AUTS2: variants seen among roughly 807,000 people sequenced by gnomAD.
The protein encoded by AUTS2 is activator of transcription and developmental regulator AUTS2, also known as autism susceptibility gene 2 protein.
In AUTS2, 17 loss-of-function variants were observed where a neutral mutation model predicts 112.4. That is an observed-to-expected ratio of 0.15 (90% CI 0.10 to 0.23). AUTS2 has a LOEUF of 0.23. AUTS2 is among the 10% of genes least tolerant of loss of function. The pLI is 1.00. For synonymous variants in AUTS2, 751 were observed against 702.7 expected (o/e 1.07, Z -1.09); for missense variants, 1,510 against 1,701.6 (o/e 0.89, Z 1.98).
chr7:70,264,091 C>T (rs187648978), intron 4 of AUTS2, among the ~76,000 whole-genome samples: 21 of 152,270 alleles, frequency 1.4e-4, no homozygotes, highest in Admixed American at 5.9e-4. Context: ...CTTCTCAATT[C>T]TATTATGTTG....
chr7:70,021,990 G>A (rs1024021206), intron 2 of AUTS2, among the ~76,000 whole-genome samples: 2 of 151,818 alleles, frequency 1.3e-5, no homozygotes, highest in Non-Finnish European at 2.9e-5. Context: ...GAGGCAAAGA[G>A]CATGGACTTT....
At chr7:69,969,760 G>A (rs1797773825) in intron 2 of AUTS2, among the ~76,000 whole-genome samples, 1 of 152,108 alleles carries the variant, frequency 6.6e-6, no homozygotes, top group Non-Finnish European at 1.5e-5. Context: ...GACAAAAAAA[G>A]AAATTCCTCT....
chr7:69,672,396 A>C (rs1796377566), intron 1 of AUTS2, among the ~76,000 whole-genome samples: 1 of 152,182 alleles, frequency 6.6e-6, no homozygotes, highest in African/African-American at 2.4e-5. Context: ...TCAATGGAGA[A>C]GATGTGTCCA....
chr7:70,163,349 G>C lies in AUTS2; in HGVS notation c.660+28778G>C, dbSNP rs1266018094. Among the ~76,000 whole-genome samples, 22 of 105,920 alleles carry C rather than the reference G, an allele frequency of 2.1e-4. 1 individual carries two copies. The East Asian group carries it at 3.9e-3, about 19-fold the overall frequency. 69.5% of individuals were successfully genotyped at this position (105,920 alleles called of 152,430 possible). A position where few individuals can be genotyped will look rare whatever the true frequency, so the allele number is the denominator to read the frequency against. ...TGAGTGTTAGGTTGTGGTGGTGGGGGGGGGGGGGGCAGAGGGGGAGGGAGA... is the reference window on the plus strand; with the variant it reads ...TGAGTGTTAGGTTGTGGTGGTGGGGCGGGGGGGGGCAGAGGGGGAGGGAGA... On this transcript the variant is annotated intron_variant, in intron 4 of 18. Coordinates refer to ENST00000342771, the MANE Select transcript of AUTS2 (RefSeq NM_015570.4).
At chr7:70,309,852 C>T (rs190301615) in intron 4 of AUTS2, among the ~76,000 whole-genome samples, 3 of 152,328 alleles carry the variant, frequency 2.0e-5, no homozygotes, top group Non-Finnish European at 1.5e-5. Context: ...CTCATCTTTG[C>T]AGCATGTTGC....
intron 6 of AUTS2, among the ~76,000 whole-genome samples, chr7:70,703,978 A>T (rs1192807609): frequency 6.6e-6 from 1 of 152,204 alleles, no homozygotes; most frequent in African/African-American, 2.4e-5. Flanking sequence ...AATAGCATGC[A>T]ATCAGCTCCT....
chr7:70,759,345 T>C (rs911581336), intron 6 of AUTS2, among the ~76,000 whole-genome samples: 1 of 152,160 alleles, frequency 6.6e-6, no homozygotes, highest in Non-Finnish European at 1.5e-5. Flanking sequence ...AGTGTTAGAT[T>C]AGATCCTGCT....
At chr7:69,631,939 T>C (rs191643922) in intron 1 of AUTS2, among the ~76,000 whole-genome samples, 15 of 152,352 alleles carry the variant, frequency 9.8e-5, no homozygotes, top group Admixed American at 2.0e-4. Context: ...TCCTCTTCTC[T>C]CTAAGTTGTA....
Position 70,269,835 on chromosome 7 carries a change from T to C in AUTS2, c.660+135264T>C, listed in dbSNP as rs557395028. The stretch of plus-strand genomic sequence containing the variant: ...TTAATGTTTGAGCCCTACTATTTGC[T>C]ATTGCTTCCTTTTTTACTCCTATAA... On this transcript the variant is annotated intron_variant, in intron 4 of 18. Transcript: ENST00000342771. Among the ~76,000 whole-genome samples, 96 of 152,322 alleles carry C rather than the reference T, an allele frequency of 6.3e-4. 1 individual carries two copies. Among genetic ancestry groups the C allele is most frequent in the African/African-American group, 2.2e-3 (91 of 41,576 alleles).
At chr7:70,193,572 C>T (rs1412619508) in intron 4 of AUTS2, among the ~76,000 whole-genome samples, 1 of 152,162 alleles carries the variant, frequency 6.6e-6, no homozygotes, top group African/African-American at 2.4e-5. Flanking sequence ...TTTAAGGACA[C>T]CTCGTCTGAT....
chr7:69,948,226 G>GC (rs1796892132), intron 2 of AUTS2, among the ~76,000 whole-genome samples: 1 of 152,166 alleles, frequency 6.6e-6, no homozygotes, highest in Non-Finnish European at 1.5e-5. Context: ...GGCCACTCAA[G>GC]CAGGCCTCCA....
At chr7:70,554,720 G>A (rs1210007320) in intron 5 of AUTS2, among the ~76,000 whole-genome samples, 1 of 152,190 alleles carries the variant, frequency 6.6e-6, no homozygotes, top group Non-Finnish European at 1.5e-5. Flanking sequence ...GCCCTGTGCA[G>A]CCAGGCCAGG....
chr7:70,541,741 C>G (rs988920540), intron 5 of AUTS2, among the ~76,000 whole-genome samples: 1 of 152,132 alleles, frequency 6.6e-6, no homozygotes, highest in Non-Finnish European at 1.5e-5. Context: ...AGGGTGACAG[C>G]ACAAAAGAGG....
At chr7:70,365,042 G>A (rs1792503192) in intron 4 of AUTS2, among the ~76,000 whole-genome samples, 1 of 152,118 alleles carries the variant, frequency 6.6e-6, no homozygotes, top group Non-Finnish European at 1.5e-5. Flanking sequence ...AAGGTACTGG[G>A]AAAGCCTATT....
At position 69,701,346 on chromosome 7, in the gene AUTS2, C is replaced by G. The variant is rs539430687; in HGVS notation, c.309+101384C>G. 3.3e-5 allele frequency among the ~76,000 whole-genome samples: 5 copies of G among 152,236 alleles called. No homozygotes were observed. In the South Asian group the frequency reaches 6.2e-4, roughly 19 times the overall value. ...CCTTTCTTCTTCCTCTATTCTTTAC[C>G]TTGTGAGGCACTTAACCTACTAACT... On this transcript the variant is annotated intron_variant, in intron 1 of 18. Coordinates refer to ENST00000342771, the MANE Select transcript of AUTS2 (RefSeq NM_015570.4).
intron 5 of AUTS2, among the ~76,000 whole-genome samples, chr7:70,616,753 G>GTT (rs67691820): frequency 0.029 from 3,860 of 131,218 alleles, 142 homozygotes; most frequent in African/African-American, 0.073. Context: ...GTGTCGAATA[G>GTT]TTTTTTTTTT....
intron 4 of AUTS2, among the ~76,000 whole-genome samples, chr7:70,166,764 A>G (rs1379109610): frequency 6.6e-6 from 1 of 152,222 alleles, no homozygotes; most frequent in Non-Finnish European, 1.5e-5. Context: ...ATACCATATC[A>G]TCCTTAGCAA....
intron 6 of AUTS2, among the ~76,000 whole-genome samples, chr7:70,757,237 A>G (rs892399206): frequency 2.6e-5 from 4 of 152,184 alleles, no homozygotes; most frequent in African/African-American, 9.7e-5. Context: ...TTTTGTTATT[A>G]TGAAGTGGAT....
intron 1 of AUTS2, among the ~76,000 whole-genome samples, chr7:69,682,021 G>A (rs1052844887): frequency 2.0e-5 from 3 of 152,108 alleles, no homozygotes; most frequent in East Asian, 1.9e-4. Flanking sequence ...ATAATAATAC[G>A]TTTGTGAGAC....
Sources: allele counts gnomAD v4.1 joint callset (sites outside exome capture counted in the v4.1 genomes callset), GRCh38; gene constraint gnomAD v4.1.1; transcripts MANE v1.5; gene names NCBI Gene and HGNC (gene_info 2026-07-23, HGNC 2026-07-21).